RABL3: variants seen among roughly 807,000 people sequenced by gnomAD.
The protein encoded by RABL3 is rab-like protein 3.
In RABL3, 31 loss-of-function variants were observed where a neutral mutation model predicts 31.8. The observed-to-expected ratio is 0.97, with a 90% CI of 0.73 to 1.31. RABL3 has a LOEUF of 1.31. Ranked by LOEUF, RABL3 falls within the 40% of genes most tolerant of loss-of-function variation. RABL3 has a pLI of 0.00. For synonymous variants in RABL3, 97 were observed against 99.9 expected (o/e 0.97, Z 0.18); for missense variants, 263 against 279.6 (o/e 0.94, Z 0.42).
At chr3:120,730,195 T>C (rs978457298) in intron 2 of RABL3, among the ~76,000 whole-genome samples, 2 of 152,210 alleles carry the variant, frequency 1.3e-5, no homozygotes, top group Non-Finnish European at 2.9e-5. Flanking sequence ...GATGAGAGAC[T>C]TGTCAGAACT....
chr3:120,741,255 G>A (rs1709039328), intron 1 of RABL3, among the ~76,000 whole-genome samples: 1 of 152,160 alleles, frequency 6.6e-6, no homozygotes, highest in African/African-American at 2.4e-5. Context: ...TAGAAATGAA[G>A]TCGACATAAA....
intron 2 of RABL3, among the ~76,000 whole-genome samples, chr3:120,726,556 C>T (rs1708823523): frequency 6.6e-6 from 1 of 152,152 alleles, no homozygotes; most frequent in South Asian, 2.1e-4. Context: ...GCCTAGCCAA[C>T]ATGGCAAAAC....
At chr3:120,736,025 T>C (rs954168786) in intron 1 of RABL3, among the ~76,000 whole-genome samples, 23 of 152,192 alleles carry the variant, frequency 1.5e-4, no homozygotes, top group African/African-American at 5.3e-4. Context: ...ATTCTGTTGA[T>C]TTGGGATGGA....
chr3:120,688,273 A>C lies in RABL3; in HGVS notation c.*1550T>G, dbSNP rs1296490913. 2 of 152,636 alleles carry C rather than the reference A, an allele frequency of 1.3e-5. No individual in the cohort carries two copies. Among genetic ancestry groups the C allele is most frequent in the African/African-American group, 2.4e-5 (1 of 41,442 alleles). 9.5% of individuals were successfully genotyped at this position (152,636 alleles called of 1,614,324 possible). A position where few individuals can be genotyped will look rare whatever the true frequency, so the allele number is the denominator to read the frequency against. On this transcript the variant is annotated 3_prime_UTR_variant, in exon 8 of 8. Transcript: ENST00000273375. ...TACTTCCCAACTGTACAGCCTATGC[A>C]ACAACATACTTGTGACCAATTCTAC...
In RABL3 at chr3:120,697,903, C is replaced by T. The variant is rs914062218; in HGVS notation, c.534+520G>A. 5.3e-5 allele frequency among the ~76,000 whole-genome samples: 8 copies of T among 152,286 alleles called. No homozygotes were observed. The South Asian group carries it at 8.3e-4, about 16-fold the overall frequency. On this transcript the variant is annotated intron_variant, in intron 5 of 7. Transcript: ENST00000273375. ...CCCATGGGCCAGGTGCAGTGGCTCGCGCCTGTAATCCCAGCACTTTGGGAG... is the reference window on the plus strand; with the variant it reads ...CCCATGGGCCAGGTGCAGTGGCTCGTGCCTGTAATCCCAGCACTTTGGGAG...
At chr3:120,715,924 C>A (rs1461093153) in intron 2 of RABL3, among the ~76,000 whole-genome samples, 3 of 152,166 alleles carry the variant, frequency 2.0e-5, no homozygotes, top group Non-Finnish European at 4.4e-5. Flanking sequence ...GGGGCACTAA[C>A]AGTACCTGCC....
intron 6 of RABL3, 75 bp downstream of exon 6, chr3:120,694,078 A>G (rs930926958): frequency 1.4e-5 from 12 of 888,236 alleles, no homozygotes; most frequent in Non-Finnish European, 2.1e-5. Flanking sequence ...TAAAGGTCAT[A>G]GGATTCTACA....
In RABL3 at chr3:120,742,481, T is replaced by C. The variant is rs764012714; in HGVS notation, c.27A>G (p.Val9=). Residue 9 remains valine, a synonymous_variant, in exon 1 of 8, where the codon GTA becomes GTG. Transcript: ENST00000273375. MASLDRVK[V]LVLGDSGVGK... is the part of the protein sequence containing the mutation. ...GCTCACCTGAGTCTCCCAACACCAG[T>C]ACCTTCACCCGATCCAGGGACGCCA... 6.2e-7 allele frequency: 1 copy of C among 1,614,172 alleles called. No homozygotes were observed. Among genetic ancestry groups the C allele is most frequent in the Non-Finnish European group, 8.5e-7 (1 of 1,180,012 alleles).
chr3:120,727,829 TAAATCAGAA>T (rs962319032), intron 2 of RABL3, among the ~76,000 whole-genome samples: 1 of 152,150 alleles, frequency 6.6e-6, no homozygotes, highest in African/African-American at 2.4e-5. Flanking sequence ...AGTAATGGAA[TAAATCAGAA>T]AAATCATGAT....
intron 2 of RABL3, among the ~76,000 whole-genome samples, chr3:120,712,478 A>C (rs1349104390): frequency 6.6e-6 from 1 of 152,194 alleles, no homozygotes; most frequent in East Asian, 1.9e-4. Flanking sequence ...ATGAGGTCTT[A>C]TAAAGAGTAA....
chr3:120,725,853 C>T (rs919515087), intron 2 of RABL3, among the ~76,000 whole-genome samples: 14 of 152,004 alleles, frequency 9.2e-5, no homozygotes, highest in Admixed American at 6.6e-4. Flanking sequence ...TGTTAAATTA[C>T]GAGTTAATGG....
At chr3:120,724,135 A>G (rs1456932309) in intron 2 of RABL3, among the ~76,000 whole-genome samples, 2 of 152,252 alleles carry the variant, frequency 1.3e-5, no homozygotes, top group Non-Finnish European at 2.9e-5. Context: ...AAAAATCACA[A>G]GCATTCTCAT....
At chr3:120,700,825 C>T (rs921454032) in intron 4 of RABL3, among the ~76,000 whole-genome samples, 3 of 151,878 alleles carry the variant, frequency 2.0e-5, no homozygotes, top group African/African-American at 7.3e-5. Context: ...AACTAGGCAA[C>T]GGGTATATGG....
chr3:120,708,245 A>G (rs1247056337), intron 3 of RABL3, among the ~76,000 whole-genome samples: 1 of 152,030 alleles, frequency 6.6e-6, no homozygotes, highest in Non-Finnish European at 1.5e-5. Context: ...AAATGGAAAT[A>G]TATTTCAGTC....
intron 2 of RABL3, among the ~76,000 whole-genome samples, chr3:120,716,370 T>C (rs571248192): frequency 2.0e-5 from 3 of 152,330 alleles, no homozygotes; most frequent in African/African-American, 7.2e-5. Flanking sequence ...TGAACACCTC[T>C]GTACTAAACA....
chr3:120,739,386 G>T (rs1057183152), intron 1 of RABL3, among the ~76,000 whole-genome samples: 4 of 139,564 alleles, frequency 2.9e-5, no homozygotes, highest in African/African-American at 1.1e-4. Flanking sequence ...CGGTGGTGGC[G>T]GGCAGTGGGG....
intron 7 of RABL3, among the ~76,000 whole-genome samples, chr3:120,690,201 T>G (rs1432432642): frequency 6.6e-6 from 1 of 152,106 alleles, no homozygotes; most frequent in Admixed American, 6.5e-5. Context: ...ACTCTTGGAG[T>G]CCCAAGCAAA....
chr3:120,737,608 A>C (rs1013140636), intron 1 of RABL3, among the ~76,000 whole-genome samples: 10 of 152,154 alleles, frequency 6.6e-5, no homozygotes, highest in African/African-American at 1.9e-4. Context: ...TCTGATTTTT[A>C]GACTTTTCAG....
rs548113036 is a variant in RABL3, at chr3:120,718,061, T to G, written c.139-8152A>C. On this transcript the variant is annotated intron_variant, in intron 2 of 7. Coordinates refer to ENST00000273375, the MANE Select transcript of RABL3 (RefSeq NM_173825.5). ...CTCATATTCTTATTCTCAGACTGCT[T>G]TTGCTTCCTCTACCCATCATTAAAC... Among the ~76,000 whole-genome samples, 4 of 152,284 alleles carry G rather than the reference T, an allele frequency of 2.6e-5. No individual in the cohort carries two copies. In the South Asian group the frequency reaches 8.3e-4, roughly 32 times the overall value.
Sources: gnomAD v4.1 joint callset for allele counts (sites outside exome capture counted in the v4.1 genomes callset) on GRCh38, gnomAD v4.1.1 for gene constraint, MANE v1.5 for transcripts, NCBI Gene and HGNC (gene_info 2026-07-23, HGNC 2026-07-21) for gene names.